Variants in CSMD1 observed in about 807,000 individuals in gnomAD.
CSMD1 encodes the protein CUB and sushi domain-containing protein 1.
A neutral mutation model predicts 417.5 loss-of-function variants in CSMD1; 213 were observed. The observed-to-expected ratio is 0.51, with a 90% confidence interval of 0.46 to 0.57. The LOEUF (loss-of-function observed/expected upper bound fraction) is 0.57. CSMD1 is among the 20% of genes least tolerant of loss of function. CSMD1 has a pLI of 0.00. For synonymous variants in CSMD1, 2,862 were observed against 1,736.8 expected, an observed-to-expected ratio of 1.65 and a Z score of -16.11; for missense variants, 6,923 against 4,529.7, an observed-to-expected ratio of 1.53 and a Z score of -15.17.
chr8:4,063,830 G>C (rs1230082732), intron 3 of CSMD1, among the ~76,000 whole-genome samples: 2 of 152,264 alleles, frequency 1.3e-5, no homozygotes, highest in East Asian at 3.9e-4. Flanking sequence ...AATGTGGTAA[G>C]AAGGAACCAG....
intron 3 of CSMD1, among the ~76,000 whole-genome samples, chr8:4,332,008 C>T (rs189592884): frequency 2.0e-5 from 3 of 152,108 alleles, no homozygotes; most frequent in African/African-American, 7.2e-5. Flanking sequence ...GAGTAATTTA[C>T]TCAAACCCAC....
chr8:3,313,188 C>T (rs1165751050), intron 23 of CSMD1, among the ~76,000 whole-genome samples: 1 of 152,112 alleles, frequency 6.6e-6, no homozygotes, highest in African/African-American at 2.4e-5. Context: ...CTAGGCAATA[C>T]CATTCAGGAC....
At position 3,181,286 on chromosome 8, in the gene CSMD1, G is replaced by A. The variant is rs1821307490; in HGVS notation, c.5621-72C>T. 14 of 1,018,542 alleles carry A rather than the reference G, an allele frequency of 1.4e-5. No homozygotes were observed. In the East Asian group the frequency reaches 2.9e-4, roughly 21 times the overall value. 63.1% of individuals were successfully genotyped at this position (1,018,542 alleles called of 1,614,324 possible). A position where few individuals can be genotyped will look rare whatever the true frequency, so the allele number is the denominator to read the frequency against. On this transcript the variant is annotated intron_variant, in intron 36 of 69. Transcript: ENST00000635120. ...ACTTTTCTAAATATAAAACATATGA[G>A]AATACTTATTAGGCTTACAAATCCC...
intron 9 of CSMD1, among the ~76,000 whole-genome samples, chr8:3,576,943 G>C (rs1256490448): frequency 6.6e-6 from 1 of 152,138 alleles, no homozygotes; most frequent in Non-Finnish European, 1.5e-5. Flanking sequence ...ACATCATGTA[G>C]CGTTCATAAA....
intron 12 of CSMD1, among the ~76,000 whole-genome samples, chr8:3,450,693 T>G (rs1276977862): frequency 3.3e-5 from 5 of 152,128 alleles, no homozygotes; most frequent in African/African-American, 1.2e-4. Flanking sequence ...ATGTGCCGCA[T>G]TTTCTTAATC....
chr8:4,915,680 G>C (rs532962875), intron 1 of CSMD1, among the ~76,000 whole-genome samples: 1 of 152,214 alleles, frequency 6.6e-6, no homozygotes, highest in Admixed American at 6.5e-5. Flanking sequence ...GCGCCCGGCG[G>C]CAGTGGATTT....
intron 5 of CSMD1, among the ~76,000 whole-genome samples, chr8:3,948,824 C>G (rs1276607079): frequency 7.9e-6 from 1 of 126,690 alleles, no homozygotes; most frequent in Non-Finnish European, 1.7e-5. Flanking sequence ...TTTGAAGAGA[C>G]ATTTTTATTT....
chr8:4,078,109 T>A (rs1447946849), intron 3 of CSMD1, among the ~76,000 whole-genome samples: 1 of 152,102 alleles, frequency 6.6e-6, no homozygotes, highest in Admixed American at 6.5e-5. Flanking sequence ...CTTCAAATAA[T>A]TTACATGGAA....
intron 2 of CSMD1, among the ~76,000 whole-genome samples, chr8:4,600,168 G>A (rs1024857310): frequency 2.6e-5 from 4 of 152,104 alleles, no homozygotes; most frequent in Admixed American, 6.6e-5. Context: ...AGCTGTGGTC[G>A]CAGAACAGGA....
chr8:3,931,068 T>G (rs1810103915), intron 5 of CSMD1, among the ~76,000 whole-genome samples: 2 of 150,548 alleles, frequency 1.3e-5, no homozygotes, highest in Non-Finnish European at 3.0e-5. Flanking sequence ...GAGATAAAGT[T>G]TTAAAAATGT....
chr8:3,294,732 T>C (rs1803836533), intron 25 of CSMD1, among the ~76,000 whole-genome samples: 1 of 152,150 alleles, frequency 6.6e-6, no homozygotes, highest in African/African-American at 2.4e-5. Flanking sequence ...CACCCCTTTC[T>C]TTGACTAGGA....
intron 26 of CSMD1, among the ~76,000 whole-genome samples, chr8:3,263,556 A>G (rs1239075130): frequency 6.6e-6 from 1 of 152,186 alleles, no homozygotes; most frequent in Non-Finnish European, 1.5e-5. Flanking sequence ...TTGGTAATAC[A>G]TTCAAGTAAT....
Position 4,375,245 on chromosome 8 carries a change from A to T in CSMD1, c.415+44708T>A, listed in dbSNP as rs184370411. On this transcript the variant is annotated intron_variant, in intron 3 of 69. Coordinates refer to ENST00000635120, the MANE Select transcript of CSMD1 (RefSeq NM_033225.6). ...AGTTTGGATGGTCTTAGAATACATA[A>T]AACATGCAGTTGTCCATAAACAGAC... 2.6e-5 allele frequency among the ~76,000 whole-genome samples: 4 copies of T among 152,278 alleles called. No homozygotes were observed. The East Asian group carries it at 7.7e-4, about 29-fold the overall frequency.
At chr8:4,380,131 A>T (rs903867652) in intron 3 of CSMD1, among the ~76,000 whole-genome samples, 2 of 152,222 alleles carry the variant, frequency 1.3e-5, no homozygotes, top group East Asian at 3.9e-4. Context: ...TTGAATTCTA[A>T]ATAGTTTCTA....
intron 5 of CSMD1, among the ~76,000 whole-genome samples, chr8:3,893,729 G>A (rs1469141708): frequency 2.0e-5 from 3 of 152,054 alleles, no homozygotes; most frequent in South Asian, 2.1e-4. Flanking sequence ...ATCACAATAA[G>A]CATTAACATT....
intron 5 of CSMD1, among the ~76,000 whole-genome samples, chr8:3,991,812 C>G (rs1200918971): frequency 3.3e-5 from 5 of 152,180 alleles, no homozygotes; most frequent in African/African-American, 1.2e-4. Context: ...CAAGTCTCCA[C>G]ACTGCCTCTT....
chr8:4,529,920 TG>T (rs1399843564), intron 2 of CSMD1, among the ~76,000 whole-genome samples: 1 of 151,776 alleles, frequency 6.6e-6, no homozygotes, highest in Non-Finnish European at 1.5e-5. Flanking sequence ...TATTTATTTT[TG>T]TTTGTCTGTT....
intron 22 of CSMD1, among the ~76,000 whole-genome samples, chr8:3,347,790 A>G (rs958055927): frequency 3.9e-5 from 6 of 152,198 alleles, no homozygotes; most frequent in African/African-American, 1.4e-4. Flanking sequence ...TTATCTACAA[A>G]GTTATTTCAA....
intron 2 of CSMD1, among the ~76,000 whole-genome samples, chr8:4,447,947 T>G (rs1798910883): frequency 6.6e-6 from 1 of 152,192 alleles, no homozygotes; most frequent in African/African-American, 2.4e-5. Flanking sequence ...ACCATATTTT[T>G]TAAAAGACAA....
Sources: allele counts gnomAD v4.1 joint callset (sites outside exome capture counted in the v4.1 genomes callset), GRCh38; gene constraint gnomAD v4.1.1; transcripts MANE v1.5; gene names NCBI Gene and HGNC (gene_info 2026-07-23, HGNC 2026-07-21).